The following TANC2 variants were observed in gnomAD, a reference collection of about 807,000 sequenced individuals.
TANC2 encodes tetratricopeptide repeat, ankyrin repeat and coiled-coil containing 2.
TANC2 carries 26 observed loss-of-function variants against 210.5 expected under a neutral mutation model. The observed-to-expected ratio is 0.12, with a 90% CI of 0.09 to 0.17. The LOEUF is 0.17. TANC2 is among the 10% of genes least tolerant of loss of function. TANC2 has a pLI of 1.00. For missense variants in TANC2, 2,129 were observed against 2,608.9 expected, an observed-to-expected ratio of 0.82 and a Z score of 4.01; for synonymous variants, 931 against 967.1, an observed-to-expected ratio of 0.96 and a Z score of 0.69.
intron 22 of TANC2, 109 bp from the exon 23 acceptor site, chr17:63,411,889 C>T: frequency 1.3e-6 from 2 of 1,511,018 alleles, no homozygotes; most frequent in South Asian, 1.3e-5. Context: ...GCAGCATAGC[C>T]TGGGGTAGGC....
intron 5 of TANC2, among the ~76,000 whole-genome samples, chr17:63,171,100 T>G (rs2040390911): frequency 6.8e-6 from 1 of 147,822 alleles, no homozygotes; most frequent in South Asian, 2.2e-4. Context: ...TTTTTTTTTT[T>G]TTTGAGATGG....
intron 4 of TANC2, among the ~76,000 whole-genome samples, chr17:63,103,501 T>C (rs1336773130): frequency 6.6e-6 from 1 of 152,174 alleles, no homozygotes; most frequent in Non-Finnish European, 1.5e-5. Flanking sequence ...GTCCGACTGT[T>C]TGGGTTTATA....
chr17:63,140,104 C>G (rs529050869), intron 4 of TANC2, among the ~76,000 whole-genome samples: 5 of 152,254 alleles, frequency 3.3e-5, no homozygotes, highest in Admixed American at 6.5e-5. Flanking sequence ...AAATCAATAT[C>G]ATGAACATAA....
chr17:63,242,165 T>C (rs1038068731), intron 8 of TANC2, among the ~76,000 whole-genome samples: 2 of 152,262 alleles, frequency 1.3e-5, no homozygotes, highest in East Asian at 1.9e-4. Context: ...AACAGACATA[T>C]CTCTTGAGAT....
exon 28 of TANC2, chr17:63,425,123 C>G (rs986534556): frequency 6.6e-6 from 1 of 151,968 alleles, no homozygotes; most frequent in East Asian, 1.9e-4. Flanking sequence ...GTATCTTGTC[C>G]GGGTTGCAGA....
intron 7 of TANC2, among the ~76,000 whole-genome samples, chr17:63,207,046 A>G (rs1464085848): frequency 2.0e-5 from 3 of 151,860 alleles, no homozygotes; most frequent in Admixed American, 6.6e-5. Context: ...CCATTTCTCT[A>G]TTCATACCCT....
chr17:62,999,442 A>G (rs2033268436), intron 1 of TANC2, among the ~76,000 whole-genome samples: 1 of 152,220 alleles, frequency 6.6e-6, no homozygotes, highest in South Asian at 2.1e-4. Context: ...ACAATGGTCA[A>G]AAGAGACAAA....
rs1480252971 is a variant in TANC2, at chr17:63,319,049, C to T, written c.1534C>T (p.Arg512Cys). 4.3e-6 allele frequency: 7 copies of T among 1,613,454 alleles called. No individual in the cohort carries two copies. The highest frequency in any genetic ancestry group is 2.2e-5 in the East Asian group (1 of 44,852). Residue 512 changes from arginine to cysteine, a missense_variant, in exon 11 of 28, where the codon CGC becomes TGC. Transcript: ENST00000689528. ...AAGCTGCCCAGGAACTCCGGAAATG[C>T]GCAGGCGGCAGGAGGAGGCTATGCG...
At position 63,050,404 on chromosome 17, in the gene TANC2, A is replaced by G. The variant is rs557056906; in HGVS notation, c.68-23539A>G. ...AGAAAGTGGAAATATAGGGTAGGCA[A>G]CTCCATAAATATGAACTTCATGGAT... On this transcript the variant is annotated intron_variant, in intron 2 of 27. Transcript: ENST00000689528. Among the ~76,000 whole-genome samples the G allele has an allele frequency of 2.0e-5, 3 of 152,170 alleles. No individual in the cohort carries two copies. In the East Asian group the frequency reaches 5.8e-4, roughly 29 times the overall value.
chr17:63,396,869 C>A (rs2048179931), intron 18 of TANC2: 1 of 151,998 alleles, frequency 6.6e-6, no homozygotes. Context: ...ATCCTCACTA[C>A]CAGGTGATGG....
chr17:63,406,820 G>C (rs1400873264), intron 21 of TANC2, among the ~76,000 whole-genome samples: 1 of 152,202 alleles, frequency 6.6e-6, no homozygotes, highest in African/African-American at 2.4e-5. Context: ...AAGTACGTCA[G>C]GCTCCTGTTG....
intron 14 of TANC2, among the ~76,000 whole-genome samples, chr17:63,356,099 C>A (rs184686575): frequency 6.6e-6 from 1 of 151,936 alleles, no homozygotes; most frequent in African/African-American, 2.4e-5. Context: ...CCACCCCACA[C>A]GCACAACAGG....
intron 17 of TANC2, 57 bp downstream of exon 17, chr17:63,389,601 A>T: frequency 6.9e-7 from 1 of 1,450,254 alleles, no homozygotes; most frequent in Non-Finnish European, 9.5e-7. Flanking sequence ...TTCGATGCAT[A>T]CTCTTTCTTA....
chr17:63,177,570 C>T (rs2040633343), intron 5 of TANC2, among the ~76,000 whole-genome samples: 1 of 152,138 alleles, frequency 6.6e-6, no homozygotes, highest in Non-Finnish European at 1.5e-5. Context: ...AATAATGGTA[C>T]ATGAGAAACC....
chr17:63,342,668 CG>C (rs1450753498), intron 12 of TANC2, among the ~76,000 whole-genome samples: 1 of 147,272 alleles, frequency 6.8e-6, no homozygotes, highest in East Asian at 2.0e-4. Context: ...CCCAGCTACT[CG>C]GGAGGCTGAG....
chr17:63,161,542 T>G (rs148103666), intron 5 of TANC2, among the ~76,000 whole-genome samples: 433 of 152,294 alleles, frequency 2.8e-3, no homozygotes, highest in Admixed American at 5.2e-3. Flanking sequence ...AAGCACTTAT[T>G]CTGTGACTCC....
chr17:63,139,293 A>T (rs539060511), intron 4 of TANC2, among the ~76,000 whole-genome samples: 120 of 152,290 alleles, frequency 7.9e-4, no homozygotes, highest in African/African-American at 2.7e-3. Context: ...CTCAACACAA[A>T]CTAGACAGAA....
chr17:63,176,049 G>A (rs2040568513), intron 5 of TANC2, among the ~76,000 whole-genome samples: 1 of 152,218 alleles, frequency 6.6e-6, no homozygotes, highest in African/African-American at 2.4e-5. Flanking sequence ...GGCTCTCACT[G>A]CCAAGTGTTG....
At chr17:62,995,394 A>G (rs1217065466) in intron 1 of TANC2, among the ~76,000 whole-genome samples, 1 of 152,236 alleles carries the variant, frequency 6.6e-6, no homozygotes, top group African/African-American at 2.4e-5. Context: ...AAGATATTTT[A>G]TAAAATACTT....
Sources: gnomAD v4.1 joint callset for allele counts (sites outside exome capture counted in the v4.1 genomes callset) on GRCh38, gnomAD v4.1.1 for gene constraint, MANE v1.5 for transcripts, NCBI Gene and HGNC (gene_info 2026-07-23, HGNC 2026-07-21) for gene names.